The following ELOVL6 variants were observed in gnomAD, a reference collection of about 807,000 sequenced individuals.
The protein encoded by ELOVL6 is very long chain fatty acid elongase 6.
ELOVL6 carries 8 observed loss-of-function variants against 31.7 expected under a neutral mutation model. The ratio of observed to expected loss-of-function variants is 0.25; its 90% CI spans 0.15 to 0.45. The LOEUF (loss-of-function observed/expected upper bound fraction) is 0.45, where lower values mean the gene tolerates loss of function less well. ELOVL6 is among the 20% of genes least tolerant of loss of function. The pLI is 1.00. For synonymous variants in ELOVL6, 101 were observed against 117.7 expected (o/e 0.86, Z 0.92); for missense variants, 126 against 326.4 (o/e 0.39, Z 4.73).
chr4:110,070,361 A>G (rs775022494), intron 2 of ELOVL6, among the ~76,000 whole-genome samples: 1 of 152,242 alleles, frequency 6.6e-6, no homozygotes, highest in Admixed American at 6.5e-5. Context: ...AGTAAAGATT[A>G]ATGTTGAAGC....
At chr4:110,106,358 T>C (rs931787188) in intron 1 of ELOVL6, among the ~76,000 whole-genome samples, 8 of 152,160 alleles carry the variant, frequency 5.3e-5, no homozygotes, top group Non-Finnish European at 8.8e-5. Flanking sequence ...GGTTATTCCA[T>C]AGGCAGCCCT....
intron 1 of ELOVL6, among the ~76,000 whole-genome samples, chr4:110,189,148 T>C (rs781014706): frequency 9.3e-5 from 14 of 150,468 alleles, no homozygotes; most frequent in Non-Finnish European, 1.8e-4. Flanking sequence ...GGCAAGGTGG[T>C]GCGTGCCTGT....
chr4:110,110,050 G>A (rs909297109), intron 1 of ELOVL6, among the ~76,000 whole-genome samples: 3 of 152,244 alleles, frequency 2.0e-5, no homozygotes, highest in East Asian at 1.9e-4. Context: ...AGAGTCTGAC[G>A]CTGAGACAGA....
intron 1 of ELOVL6, chr4:110,117,903 A>AAAAAAAAATATATATAT: frequency 4.6e-4 from 3 of 6,500 alleles, no homozygotes; most frequent in Non-Finnish European, 7.5e-4. Flanking sequence ...AAAAAAAAAA[A>AAAAAAAAATATATATAT]ATATATATAT....
chr4:110,076,577 T>A (rs561299114), intron 2 of ELOVL6, among the ~76,000 whole-genome samples: 7 of 152,156 alleles, frequency 4.6e-5, no homozygotes, highest in Admixed American at 4.6e-4. Flanking sequence ...TTTGTGGAAG[T>A]ACACAAGGAT....
rs369190691 is a variant in ELOVL6 at position 110,152,948 on chromosome 4, A to T, written c.89+45299T>A. 2.2e-4 allele frequency among the ~76,000 whole-genome samples: 33 copies of T among 152,344 alleles called. 1 individual carries two copies. The East Asian group carries it at 5.6e-3, about 26-fold the overall frequency. The stretch of plus-strand genomic sequence containing the variant: ...CAATCCTTCGTCTCTCAAAAGGAGG[A>T]TGCCAAACCTATGTGACCCCTCCGT... On this transcript the variant is annotated intron_variant, in intron 1 of 3. Transcript: ENST00000302274.
intron 1 of ELOVL6, among the ~76,000 whole-genome samples, chr4:110,170,912 G>A (rs1679622582): frequency 6.6e-6 from 1 of 152,116 alleles, no homozygotes; most frequent in Non-Finnish European, 1.5e-5. Flanking sequence ...TCAAAAAATG[G>A]AATCTCTCTC....
intron 1 of ELOVL6, among the ~76,000 whole-genome samples, chr4:110,152,361 T>C (rs956737618): frequency 5.9e-5 from 9 of 152,218 alleles, no homozygotes; most frequent in African/African-American, 2.2e-4. Flanking sequence ...GCATTATATA[T>C]ATAGCTGCTA....
At chr4:110,090,942 T>C (rs1201050557) in intron 2 of ELOVL6, among the ~76,000 whole-genome samples, 3 of 152,140 alleles carry the variant, frequency 2.0e-5, no homozygotes, top group Non-Finnish European at 2.9e-5. Flanking sequence ...CAGATTCAAT[T>C]TTATTTGTAA....
chr4:110,150,622 A>G (rs1758251114), intron 1 of ELOVL6, among the ~76,000 whole-genome samples: 1 of 152,234 alleles, frequency 6.6e-6, no homozygotes, highest in Non-Finnish European at 1.5e-5. Flanking sequence ...TAAGAGCAGA[A>G]TAATTAAAAC....
intron 3 of ELOVL6, among the ~76,000 whole-genome samples, chr4:110,056,129 G>GC (rs1553953533): frequency 1.5e-4 from 22 of 143,138 alleles, no homozygotes; most frequent in Non-Finnish European, 2.4e-4. Context: ...AGCTGGGGGG[G>GC]GGGATACAGT....
chr4:110,070,267 C>T (rs1157651190), intron 2 of ELOVL6, among the ~76,000 whole-genome samples: 2 of 152,070 alleles, frequency 1.3e-5, no homozygotes, highest in East Asian at 1.9e-4. Context: ...CAAAGTTCTA[C>T]CAATAGTGAC....
intron 1 of ELOVL6, among the ~76,000 whole-genome samples, chr4:110,113,957 A>G (rs536471222): frequency 6.6e-6 from 1 of 152,312 alleles, no homozygotes; most frequent in East Asian, 1.9e-4. Context: ...ATTTCAAAAT[A>G]TAATAATGAT....
rs1282048521 is a variant in ELOVL6 at position 110,084,584 on chromosome 4, ATATATT to A, written c.221+20907_221+20912del. 2.6e-3 allele frequency among the ~76,000 whole-genome samples: 144 copies of A among 54,824 alleles called. 1 individual carries two copies. Among genetic ancestry groups the A allele is most frequent in the African/African-American group, 0.019 (137 of 7,096 alleles). 36.0% of individuals were successfully genotyped at this position (54,824 alleles called of 152,430 possible). A position where few individuals can be genotyped will look rare whatever the true frequency, so the allele number is the denominator to read the frequency against. On this transcript the variant is annotated intron_variant, in intron 2 of 3. Transcript: ENST00000302274. ...CACAGATATATATATATATATATAT[ATATATT>A]TTTTTTTTTTTTTTTTTTTTTTGAG...
At position 110,142,148 on chromosome 4, in the gene ELOVL6, G is replaced by A. The variant is rs530072239; in HGVS notation, c.90-36520C>T. Among the ~76,000 whole-genome samples, 3 of 138,736 alleles carry A rather than the reference G, an allele frequency of 2.2e-5. No homozygotes were observed. In the South Asian group the frequency reaches 6.8e-4, roughly 31 times the overall value. The allele number at this position is 138,736 out of a possible 152,430, so 91.0% of individuals were successfully genotyped here. A position where few individuals can be genotyped will look rare whatever the true frequency, so the allele number is the denominator to read the frequency against. ...TGCAGTGGTGTGATCTCGGCTCACT[G>A]CAAGCTCCACCTCCTGGGATCACAC... On this transcript the variant is annotated intron_variant, in intron 1 of 3. Coordinates refer to ENST00000302274, the MANE Select transcript of ELOVL6 (RefSeq NM_024090.3).
chr4:110,064,969 G>GT (rs1351796201), intron 2 of ELOVL6, among the ~76,000 whole-genome samples: 1 of 152,116 alleles, frequency 6.6e-6, no homozygotes, highest in Non-Finnish European at 1.5e-5. Context: ...AGAAAAGACT[G>GT]TTTCATGTAT....
At chr4:110,121,062 A>T (rs1321029116) in intron 1 of ELOVL6, among the ~76,000 whole-genome samples, 7 of 151,984 alleles carry the variant, frequency 4.6e-5, no homozygotes, top group Admixed American at 4.6e-4. Flanking sequence ...CGGCCTCCCA[A>T]AGTGCTGAGA....
chr4:110,098,973 G>A (rs80129031), intron 2 of ELOVL6, among the ~76,000 whole-genome samples: 12,431 of 151,998 alleles, frequency 0.082, 669 homozygotes, highest in South Asian at 0.12. Context: ...CACTTATGAC[G>A]GTCTTATGTA....
At chr4:110,091,629 C>T (rs1756429552) in intron 2 of ELOVL6, among the ~76,000 whole-genome samples, 2 of 152,134 alleles carry the variant, frequency 1.3e-5, no homozygotes, top group African/African-American at 4.8e-5. Context: ...ATAAGCAATT[C>T]TATTAAACTG....
Sources: allele counts gnomAD v4.1 joint callset (sites outside exome capture counted in the v4.1 genomes callset), GRCh38; gene constraint gnomAD v4.1.1; transcripts MANE v1.5; gene names NCBI Gene and HGNC (gene_info 2026-07-23, HGNC 2026-07-21).